The following PPP1R12C variants were observed in gnomAD, a reference collection of about 807,000 sequenced individuals.
PPP1R12C encodes the protein leukocyte receptor cluster (LRC) encoded novel gene 3.
In PPP1R12C, 48 loss-of-function variants were observed where a neutral mutation model predicts 95.6. The ratio of observed to expected loss-of-function variants is 0.50; its 90% CI spans 0.40 to 0.64. The LOEUF (loss-of-function observed/expected upper bound fraction) is 0.64. Among genes scored for constraint, PPP1R12C ranks in the 30% least tolerant of loss-of-function variants. PPP1R12C has a pLI of 0.00. For missense variants in PPP1R12C, 1,057 were observed against 1,083.3 expected (o/e 0.98, Z 0.34); for synonymous variants, 480 against 460.8 (o/e 1.04, Z -0.53).
intron 4 of PPP1R12C, among the ~76,000 whole-genome samples, chr19:55,100,177 C>T (rs1348659443): frequency 6.6e-6 from 1 of 152,232 alleles, no homozygotes; most frequent in African/African-American, 2.4e-5. Flanking sequence ...GTCACCACCC[C>T]CTCATCCCCC....
Position 55,094,412 on chromosome 19 carries a change from T to A in PPP1R12C, c.1616A>T (p.Asp539Val). Reference protein sequence around the residue: ...RRRSYQMPVRDEESESQRKAR... With the variant: ...RRRSYQMPVRVEESESQRKAR... Reference sequence around the variant, plus strand: ...TTTTCTCTGGGATTCCGACTCCTCATCCCGCACAGGCATCTGGTAGGACCT... The same window carrying A: ...TTTTCTCTGGGATTCCGACTCCTCAACCCGCACAGGCATCTGGTAGGACCT... The change falls in exon 13 of 22, where the codon GAT (aspartate) becomes GTT (valine). Residue 539 changes from aspartate to valine, a missense_variant. Physicochemically the swap from Asp to Val is radical, Grantham distance 152 (BLOSUM62 -3). Around this residue, in one of 5 missense-constraint regions of PPP1R12C, gnomAD observed 356 missense variants for 330.5 expected, o/e 1.08. Coordinates refer to ENST00000263433, the MANE Select transcript of PPP1R12C (RefSeq NM_017607.4). 2 of 1,613,576 alleles carry A rather than the reference T, an allele frequency of 1.2e-6. No individual in the cohort carries two copies. Among genetic ancestry groups the A allele is most frequent in the African/African-American group, 1.3e-5 (1 of 74,852 alleles).
intron 18 of PPP1R12C, 55 bp from the exon 19 acceptor site, chr19:55,092,381 G>GGGGAAGCCAGGAAGCT: frequency 6.4e-7 from 1 of 1,567,434 alleles, no homozygotes; most frequent in East Asian, 2.3e-5. Flanking sequence ...CTGGGGGGGC[G>GGGGAAGCCAGGAAGCT]GGGAAGCCAG....
Position 55,117,531 on chromosome 19 carries a change from C to G in PPP1R12C, c.13G>C (p.Asp5His). Residue 5 changes from aspartate to histidine, a missense_variant, in exon 1 of 22, where the codon GAT becomes CAT. Around this residue, in one of 5 missense-constraint regions of PPP1R12C, gnomAD observed 70 missense variants for 47.8 expected, o/e 1.46. Transcript: ENST00000263433. ...GCCCCCGGGCCAGCCGCCGGGCCAT[C>G]CTCTCCGGACATCGCACCGCCCGCC... MSGEDGPAAGPGAAA... is the reference protein window; with the variant it reads MSGEHGPAAGPGAAA... The G allele has an allele frequency of 2.0e-6, 2 of 1,009,656 alleles. No individual in the cohort carries two copies. Among genetic ancestry groups the G allele is most frequent in the South Asian group, 4.2e-5 (1 of 24,036 alleles). The allele number at this position is 1,009,656 out of a possible 1,614,324, so 62.5% of individuals were successfully genotyped here.
At position 55,093,148 on chromosome 19, in the gene PPP1R12C, C is replaced by T. The variant is rs2084867421; in HGVS notation, c.1764+5G>A. On this transcript the variant is annotated splice_donor_5th_base_variant and intron_variant, in intron 14 of 21. Transcript: ENST00000263433. ...ACCCCACTCGCCCTCGCTGACCCCT[C>T]TCACCAGGCTCTGCGCCGGCTTCTC... 6.2e-7 allele frequency: 1 copy of T among 1,613,568 alleles called. No homozygotes were observed. Among genetic ancestry groups the T allele is most frequent in the African/African-American group, 1.3e-5 (1 of 74,900 alleles).
Position 55,117,451 on chromosome 19 carries a change from C to T in PPP1R12C, c.93G>A (p.Ala31=). ...RRREQLRQWG[A]RAGAEPGPGE... is the part of the protein sequence containing the mutation. ...CGGGGCCAGGCTCGGCGCCCGCCCG[C>T]GCCCCCCACTGCCGCAGCTGCTCCC... The change falls in exon 1 of 22, where the codon GCG becomes GCA. Residue 31 remains alanine (A), a synonymous_variant. Transcript: ENST00000263433. 2.0e-6 allele frequency: 2 copies of T among 997,696 alleles called. No homozygotes were observed. Among genetic ancestry groups the T allele is most frequent in the Non-Finnish European group, 2.4e-6 (2 of 840,792 alleles). 61.8% of individuals were successfully genotyped at this position (997,696 alleles called of 1,614,324 possible). A position where few individuals can be genotyped will look rare whatever the true frequency, so the allele number is the denominator to read the frequency against.
Position 55,109,220 on chromosome 19 carries a change from CCTA to C in PPP1R12C, c.571+3244_571+3246del, listed in dbSNP as rs2085069942. Among the ~76,000 whole-genome samples, 1 of 152,218 alleles carries C rather than the reference CCTA, an allele frequency of 6.6e-6. No homozygotes were observed. The highest frequency in any genetic ancestry group is 2.4e-5 in the African/African-American group (1 of 41,452). ...GGCTCAAGCAATCTTCTCACCTCAG[CCTA>C]CTGAGTAGCTGGGAGCGTACGTGCA... On this transcript the variant is annotated intron_variant, in intron 3 of 21. Coordinates refer to ENST00000263433, the MANE Select transcript of PPP1R12C (RefSeq NM_017607.4). The surrounding 1 kb of genome is among the most constrained non-coding windows in gnomAD (Gnocchi z 4.4).
At chr19:55,105,414 A>G (rs2085027528) in intron 3 of PPP1R12C, among the ~76,000 whole-genome samples, 1 of 152,166 alleles carries the variant, frequency 6.6e-6, no homozygotes, top group South Asian at 2.1e-4. Context: ...GTATCTGTAG[A>G]CAGAGCCCTT....
rs1429805485 is a variant in PPP1R12C, at chr19:55,117,608, G to A, written c.-65C>T. The A allele has an allele frequency of 1.0e-5, 8 of 796,560 alleles. No individual in the cohort carries two copies. The highest frequency in any genetic ancestry group is 9.6e-5 in the African/African-American group (2 of 20,818). 49.3% of individuals were successfully genotyped at this position (796,560 alleles called of 1,614,324 possible). A position where few individuals can be genotyped will look rare whatever the true frequency, so the allele number is the denominator to read the frequency against. On this transcript the variant is annotated 5_prime_UTR_variant, in exon 1 of 22. Coordinates refer to ENST00000263433, the MANE Select transcript of PPP1R12C (RefSeq NM_017607.4). ...CCCCAACCGCCGCCACCACCCGCCC[G>A]CCCGCCCGCCCCGGGGGCCGCCGGG...
intron 4 of PPP1R12C, among the ~76,000 whole-genome samples, chr19:55,100,307 G>A (rs1306355655): frequency 2.0e-5 from 3 of 152,192 alleles, no homozygotes; most frequent in Non-Finnish European, 2.9e-5. Context: ...ATTTGGCCAC[G>A]TCCAGAGACA....
chr19:55,092,679 G>A lies in PPP1R12C; in HGVS notation c.1912-17C>T, dbSNP rs774791525. ...CTCCTCCCCCTGTGGGCAGGTAGAC[G>A]GGGGTTCAATGGGTATGGGAGGGAC... is the stretch of plus-strand genomic sequence containing the variant. On this transcript the variant is annotated splice_polypyrimidine_tract_variant and intron_variant, in intron 16 of 21. Coordinates refer to ENST00000263433, the MANE Select transcript of PPP1R12C (RefSeq NM_017607.4). 26 of 1,528,148 alleles carry A rather than the reference G, an allele frequency of 1.7e-5. No individual in the cohort carries two copies. The highest frequency in any genetic ancestry group is 2.2e-5 in the Non-Finnish European group (25 of 1,139,074). 94.7% of individuals were successfully genotyped at this position (1,528,148 alleles called of 1,614,324 possible).
rs2085165314 is a variant in PPP1R12C, at chr19:55,117,298, G to A, written c.246C>T (p.Leu82=). 1 of 1,211,218 alleles carries A rather than the reference G, an allele frequency of 8.3e-7. No homozygotes were observed. Among genetic ancestry groups the A allele is most frequent in the African/African-American group, 1.6e-5 (1 of 63,286 alleles). 75.0% of individuals were successfully genotyped at this position (1,211,218 alleles called of 1,614,324 possible). ...GGGCGGGCGGCGGCGCGGCGGGGTCGAGCTCGGCGCCGGGGCCAGGGTCGG... is the reference window on the plus strand; with the variant it reads ...GGGCGGGCGGCGGCGCGGCGGGGTCAAGCTCGGCGCCGGGGCCAGGGTCGG... ...RAADPGPGAE[L]DPAAPPPARA... is the part of the protein sequence containing the mutation. The change falls in exon 1 of 22, where the codon CTC becomes CTT. Residue 82 remains leucine (L), a synonymous_variant. Coordinates refer to ENST00000263433, the MANE Select transcript of PPP1R12C (RefSeq NM_017607.4).
At chr19:55,092,578 G>A in intron 17 of PPP1R12C, 34 bp from the exon 18 acceptor site, 1 of 1,565,644 alleles carries the variant, frequency 6.4e-7, no homozygotes, top group Non-Finnish European at 8.6e-7. Context: ...TCAGGGGCCG[G>A]CCCGGCCCGC....
intron 3 of PPP1R12C, 121 bp from the exon 4 acceptor site, chr19:55,103,689 C>G (rs1482663181): frequency 1.0e-6 from 1 of 957,188 alleles, no homozygotes; most frequent in Non-Finnish European, 1.4e-6. Flanking sequence ...CCCCTGCTCC[C>G]CTCTGAGACT....
intron 3 of PPP1R12C, among the ~76,000 whole-genome samples, chr19:55,107,616 T>G (rs2085052190): frequency 6.8e-6 from 1 of 147,506 alleles, no homozygotes; most frequent in African/African-American, 2.5e-5. Context: ...AACCAAACAC[T>G]GCATGTTGTC....
In PPP1R12C at chr19:55,109,472, CCT is replaced by C. The variant is rs1442095608; in HGVS notation, c.571+2993_571+2994del. ...GCAAAGAGTCATGCCCGATTCAGCCCCTGAGTCGACTGGGCCAGAGGACTTTG... is the reference window on the plus strand; with the variant it reads ...GCAAAGAGTCATGCCCGATTCAGCCCGAGTCGACTGGGCCAGAGGACTTTG... On this transcript the variant is annotated intron_variant, in intron 3 of 21. Transcript: ENST00000263433. The surrounding 1 kb of genome is among the most constrained non-coding windows in gnomAD (Gnocchi z 4.4). Among the ~76,000 whole-genome samples, 18 of 152,326 alleles carry C rather than the reference CCT, an allele frequency of 1.2e-4. No homozygotes were observed. Among genetic ancestry groups the C allele is most frequent in the African/African-American group, 2.4e-4 (10 of 41,574 alleles).
In PPP1R12C at chr19:55,092,020, T is replaced by G. The variant is rs10410929; in HGVS notation, c.2161-111A>C. The G allele has an allele frequency of 1.7e-4, 235 of 1,368,606 alleles. 1 individual carries two copies. The African/African-American group carries it at 3.1e-3, about 18-fold the overall frequency. The allele number at this position is 1,368,606 out of a possible 1,614,324, so 84.8% of individuals were successfully genotyped here. A position where few individuals can be genotyped will look rare whatever the true frequency, so the allele number is the denominator to read the frequency against. On this transcript the variant is annotated intron_variant, in intron 19 of 21. Coordinates refer to ENST00000263433, the MANE Select transcript of PPP1R12C (RefSeq NM_017607.4). The stretch of plus-strand genomic sequence containing the variant: ...CGCCCACTAGGCAGCCCACAAGCCC[T>G]TCCCCCACGGGCCAGGCCCCGCCAC...
In PPP1R12C at chr19:55,096,418, G is replaced by A. The variant is rs963726337; in HGVS notation, c.952-83C>T. 32 of 1,490,650 alleles carry A rather than the reference G, an allele frequency of 2.1e-5. No homozygotes were observed. In the South Asian group the frequency reaches 3.6e-4, roughly 17 times the overall value. 92.3% of individuals were successfully genotyped at this position (1,490,650 alleles called of 1,614,324 possible). A position where few individuals can be genotyped will look rare whatever the true frequency, so the allele number is the denominator to read the frequency against. On this transcript the variant is annotated intron_variant, in intron 6 of 21. Transcript: ENST00000263433. ...CACCACCACAAACAGCTGTGCAGGA[G>A]CTCACTGCCCAGGCGGGCACCGAGG...
rs983560279 is a variant in PPP1R12C, at chr19:55,091,271, C to T, written c.*201G>A. 23 of 604,624 alleles carry T rather than the reference C, an allele frequency of 3.8e-5. No homozygotes were observed. The highest frequency in any genetic ancestry group is 9.0e-5 in the Admixed American group (3 of 33,404). The allele number at this position is 604,624 out of a possible 1,614,324, so 37.5% of individuals were successfully genotyped here. On this transcript the variant is annotated 3_prime_UTR_variant, in exon 22 of 22. Coordinates refer to ENST00000263433, the MANE Select transcript of PPP1R12C (RefSeq NM_017607.4). ...TCTGGCAACGTCCCCCTGCTTGGCT[C>T]GGCCTCCCACCTCCATCCTGGCCTC... is the stretch of plus-strand genomic sequence containing the variant.
chr19:55,103,341 G>T (rs888487269), intron 4 of PPP1R12C, 68 bp downstream of exon 4: 2 of 1,330,486 alleles, frequency 1.5e-6, no homozygotes, highest in East Asian at 2.7e-5. Flanking sequence ...CATTTAAAAA[G>T]AAAGGGAAAG....
Sources: allele counts gnomAD v4.1 joint callset (sites outside exome capture counted in the v4.1 genomes callset), GRCh38; gene constraint gnomAD v4.1.1; regional missense constraint gnomAD v4.1.1; non-coding constraint Gnocchi (gnomAD v3.1); transcripts MANE v1.5; gene names NCBI Gene and HGNC (gene_info 2026-07-23, HGNC 2026-07-21).